The following DIS3L2 variants were observed in gnomAD, a reference collection of about 807,000 sequenced individuals.
DIS3L2 encodes the protein DIS3 like 3'-5' exoribonuclease 2.
DIS3L2 carries 34 observed loss-of-function variants against 97.5 expected under a neutral mutation model. The observed-to-expected ratio is 0.35, with a 90% CI of 0.27 to 0.46. The LOEUF is 0.46. DIS3L2 is among the 20% of genes least tolerant of loss of function. DIS3L2 has a pLI of 1.00. For missense variants in DIS3L2, 1,038 were observed against 1,146.0 expected (o/e 0.91, Z 1.36); for synonymous variants, 435 against 445.2 (o/e 0.98, Z 0.29).
chr2:232,162,807 G>C (rs1402099186), intron 8 of DIS3L2, among the ~76,000 whole-genome samples: 1 of 152,144 alleles, frequency 6.6e-6, no homozygotes, highest in Non-Finnish European at 1.5e-5. Flanking sequence ...CTGTCAATTT[G>C]GTAAGGAGTG....
chr2:232,212,591 C>T (rs186611722), intron 10 of DIS3L2, among the ~76,000 whole-genome samples: 72 of 152,236 alleles, frequency 4.7e-4, no homozygotes, highest in Non-Finnish European at 5.3e-4. Context: ...GGGACAAACT[C>T]GGGACAAATT....
chr2:232,087,955 A>G (rs1334418859), intron 6 of DIS3L2: 11 of 497,710 alleles, frequency 2.2e-5, no homozygotes, highest in South Asian at 8.0e-5. Context: ...CCACATTCCT[A>G]ATAGGCTTGA....
intron 5 of DIS3L2, among the ~76,000 whole-genome samples, chr2:232,049,096 C>G (rs1046019970): frequency 2.0e-5 from 3 of 152,078 alleles, no homozygotes; most frequent in Non-Finnish European, 2.9e-5. Flanking sequence ...TAAATTGTCA[C>G]TTTTAATGAC....
At chr2:232,062,221 G>A (rs573625773) in intron 5 of DIS3L2, among the ~76,000 whole-genome samples, 2 of 152,216 alleles carry the variant, frequency 1.3e-5, no homozygotes, top group African/African-American at 4.8e-5. Context: ...GCCTGGTCTA[G>A]TTTTAGGTGG....
At chr2:232,173,475 A>T (rs1243947314) in intron 9 of DIS3L2, among the ~76,000 whole-genome samples, 1 of 152,022 alleles carries the variant, frequency 6.6e-6, no homozygotes, top group African/African-American at 2.4e-5. Flanking sequence ...CAAGTGATCC[A>T]CCAGCCTCAG....
intron 14 of DIS3L2, among the ~76,000 whole-genome samples, chr2:232,313,413 G>T (rs1353636224): frequency 6.6e-6 from 1 of 152,150 alleles, no homozygotes; most frequent in African/African-American, 2.4e-5. Context: ...TTAACCTTGT[G>T]AGGAGGTTTT....
At chr2:231,962,017 T>C (rs1486163130) in intron 1 of DIS3L2, among the ~76,000 whole-genome samples, 1 of 152,208 alleles carries the variant, frequency 6.6e-6, no homozygotes, top group Non-Finnish European at 1.5e-5. Flanking sequence ...GCCGCGCTTA[T>C]AGCGCCGGGG....
chr2:232,166,960 G>A (rs1690841942), intron 9 of DIS3L2, among the ~76,000 whole-genome samples: 1 of 151,780 alleles, frequency 6.6e-6, no homozygotes, highest in Admixed American at 6.6e-5. Flanking sequence ...GGCAGAGGTT[G>A]CAGCAAGCTG....
rs534774267 is a variant in DIS3L2, at chr2:232,268,398, T to C, written c.1659+4958T>C. Among the ~76,000 whole-genome samples the C allele has an allele frequency of 6.6e-6, 1 of 152,344 alleles. No individual in the cohort carries two copies. The highest frequency in any genetic ancestry group is 2.1e-4 in the South Asian group (1 of 4,826). ...CAAGCTGCAGTGGAATGCTGTTATG[T>C]ATGACCTTGACCTGTTCCAGCCTTT... On this transcript the variant is annotated intron_variant, in intron 13 of 20. Coordinates refer to ENST00000325385, the MANE Select transcript of DIS3L2 (RefSeq NM_152383.5). This position sits in a 1 kb window ranked among gnomAD's most constrained non-coding sequence, Gnocchi z 4.1.
intron 6 of DIS3L2, among the ~76,000 whole-genome samples, chr2:232,116,385 G>A (rs988676903): frequency 6.6e-5 from 10 of 152,014 alleles, no homozygotes; most frequent in African/African-American, 1.4e-4. Context: ...TGTTTTACCC[G>A]TGTCTTTAAG....
At chr2:232,060,231 T>G (rs1286737623) in intron 5 of DIS3L2, among the ~76,000 whole-genome samples, 2 of 152,206 alleles carry the variant, frequency 1.3e-5, no homozygotes, top group Non-Finnish European at 2.9e-5. Flanking sequence ...TGCAGTTTTT[T>G]AACTTGATGT....
At chr2:232,078,966 A>G (rs1696299203) in intron 5 of DIS3L2, among the ~76,000 whole-genome samples, 1 of 152,228 alleles carries the variant, frequency 6.6e-6, no homozygotes, top group African/African-American at 2.4e-5. Flanking sequence ...AGATGGATAG[A>G]TTTTAGATAT....
intron 13 of DIS3L2, among the ~76,000 whole-genome samples, chr2:232,267,431 T>TGGA (rs1559183423): frequency 6.6e-5 from 10 of 152,200 alleles, no homozygotes; most frequent in South Asian, 2.1e-4. Flanking sequence ...CTTGTGCTTT[T>TGGA]TGGTTGGATG....
intron 1 of DIS3L2, among the ~76,000 whole-genome samples, chr2:231,985,648 TTCTC>T (rs759255439): frequency 1.3e-5 from 2 of 152,214 alleles, no homozygotes; most frequent in Non-Finnish European, 2.9e-5. Flanking sequence ...TTTCCTTCCT[TTCTC>T]TCTCTCCACT....
In DIS3L2 at chr2:231,997,062, A is replaced by G. The variant is rs928572692; in HGVS notation, c.-93-17773A>G. Reference sequence around the variant, plus strand: ...CCTCCCCTAGATTGTAAGCGCCATGAGAGTAGGGACCTGGTCTGTCATGGT... The same window carrying G: ...CCTCCCCTAGATTGTAAGCGCCATGGGAGTAGGGACCTGGTCTGTCATGGT... On this transcript the variant is annotated intron_variant, in intron 1 of 20. Coordinates refer to ENST00000325385, the MANE Select transcript of DIS3L2 (RefSeq NM_152383.5). 2.0e-5 allele frequency among the ~76,000 whole-genome samples: 3 copies of G among 152,192 alleles called. 1 individual carries two copies. The highest frequency in any genetic ancestry group is 6.5e-5 in the Admixed American group (1 of 15,282).
chr2:232,110,701 G>A (rs775078608), intron 6 of DIS3L2, among the ~76,000 whole-genome samples: 3 of 152,266 alleles, frequency 2.0e-5, no homozygotes, highest in Non-Finnish European at 4.4e-5. Context: ...CCTGTCAGAG[G>A]TTGTGTTGTA....
intron 1 of DIS3L2, among the ~76,000 whole-genome samples, chr2:232,004,807 C>A (rs887915525): frequency 6.6e-6 from 1 of 152,118 alleles, no homozygotes; most frequent in African/African-American, 2.4e-5. Context: ...CTCTTGAATT[C>A]CTGGGCTCAA....
At chr2:232,034,557 G>T (rs529392354) in intron 5 of DIS3L2, among the ~76,000 whole-genome samples, 1 of 152,276 alleles carries the variant, frequency 6.6e-6, no homozygotes, top group East Asian at 1.9e-4. Context: ...TAATTGTGAT[G>T]TTAGGGTGTT....
intron 8 of DIS3L2, among the ~76,000 whole-genome samples, chr2:232,140,154 G>T (rs906581309): frequency 1.3e-5 from 2 of 152,054 alleles, no homozygotes; most frequent in African/African-American, 4.8e-5. Flanking sequence ...CCTAACAGTG[G>T]CTTTCTCCTT....
Sources: gnomAD v4.1 joint callset for allele counts (sites outside exome capture counted in the v4.1 genomes callset) on GRCh38, gnomAD v4.1.1 for gene constraint, Gnocchi (gnomAD v3.1) non-coding constraint, MANE v1.5 for transcripts, NCBI Gene and HGNC (gene_info 2026-07-23, HGNC 2026-07-21) for gene names.